PAPPA: variants seen among roughly 807,000 people sequenced by gnomAD.
PAPPA encodes pappalysin 1.
A neutral mutation model predicts 164.0 loss-of-function variants in PAPPA; 60 were observed. The observed-to-expected ratio is 0.37, with a 90% CI of 0.30 to 0.45. The LOEUF (loss-of-function observed/expected upper bound fraction) is 0.45, where lower values mean the gene tolerates loss of function less well. Among genes scored for constraint, PAPPA ranks in the 20% least tolerant of loss-of-function variants. PAPPA has a pLI of 1.00. For missense variants in PAPPA, 1,782 were observed against 2,087.3 expected (o/e 0.85, Z 2.85); for synonymous variants, 875 against 814.1 (o/e 1.07, Z -1.27).
chr9:116,339,847 G>C lies in PAPPA; in HGVS notation c.3612-4696G>C, dbSNP rs16933444. ...TCTCCAGCTATCCTCTGTTATGTGT[G>C]ACTGGAATCCATTCTTATTGACAAT... On this transcript the variant is annotated intron_variant, in intron 13 of 21. Coordinates refer to ENST00000328252, the MANE Select transcript of PAPPA (RefSeq NM_002581.5). Among the ~76,000 whole-genome samples the C allele has an allele frequency of 7.4e-3, 1,130 of 152,274 alleles. 12 individuals are homozygous for C. Among genetic ancestry groups the C allele is most frequent in the African/African-American group, 0.026 (1,078 of 41,548 alleles).
intron 19 of PAPPA, chr9:116,373,663 G>A (rs1846606084): frequency 6.6e-6 from 1 of 152,024 alleles, no homozygotes; most frequent in Non-Finnish European, 1.5e-5. Flanking sequence ...TTGTCTCAAA[G>A]GGCCTCTCCA....
intron 10 of PAPPA, among the ~76,000 whole-genome samples, chr9:116,325,352 G>A (rs1192956724): frequency 6.6e-6 from 1 of 152,124 alleles, no homozygotes; most frequent in African/African-American, 2.4e-5. Context: ...ATGACTGTGG[G>A]TGTCCTTAAG....
chr9:116,330,668 T>C (rs953548421), intron 10 of PAPPA, among the ~76,000 whole-genome samples: 8 of 152,100 alleles, frequency 5.3e-5, no homozygotes, highest in African/African-American at 1.9e-4. Flanking sequence ...ATTTTCTTTG[T>C]TGATGGAAAA....
intron 7 of PAPPA, among the ~76,000 whole-genome samples, chr9:116,246,407 TG>T (rs1844797538): frequency 6.6e-6 from 1 of 152,236 alleles, no homozygotes; most frequent in South Asian, 2.1e-4. Flanking sequence ...CAAGGCATTG[TG>T]CTAAGTGCTT....
intron 13 of PAPPA, among the ~76,000 whole-genome samples, chr9:116,336,743 C>T (rs1191606159): frequency 6.6e-6 from 1 of 152,172 alleles, no homozygotes; most frequent in Non-Finnish European, 1.5e-5. Context: ...TGCCCTATAT[C>T]TGACTAATTA....
chr9:116,241,998 A>T (rs547808028), intron 7 of PAPPA, among the ~76,000 whole-genome samples: 85 of 152,264 alleles, frequency 5.6e-4, no homozygotes, highest in African/African-American at 2.0e-3. Flanking sequence ...AATCTAATAT[A>T]ATCCATGTTA....
chr9:116,289,378 T>TGCC lies in PAPPA; in HGVS notation c.2954-13379_2954-13378insGCC, dbSNP rs1564212465. ...ATATGGCATATATATGGCATATATA[T>TGCC]AGCATATGTATATATAGCTATATAT... On this transcript the variant is annotated intron_variant, in intron 9 of 21. Coordinates refer to ENST00000328252, the MANE Select transcript of PAPPA (RefSeq NM_002581.5). Among the ~76,000 whole-genome samples the TGCC allele has an allele frequency of 7.7e-3, 1,105 of 144,146 alleles. 42 individuals are homozygous for TGCC. The highest frequency in any genetic ancestry group is 0.012 in the South Asian group (55 of 4,570). 94.6% of individuals were successfully genotyped at this position (144,146 alleles called of 152,430 possible).
Position 116,188,106 on chromosome 9 carries a change from G to A in PAPPA, c.1368G>A (p.Val456=). 1 of 1,614,230 alleles carries A rather than the reference G, an allele frequency of 6.2e-7. No individual in the cohort carries two copies. Among genetic ancestry groups the A allele is most frequent in the South Asian group, 1.1e-5 (1 of 91,090 alleles). ...PAFVKKQHNG[V]CDMDCNYERF... is the part of the protein sequence containing the mutation. ...TCGTGAAGAAGCAGCACAACGGGGTGTGTGACATGGACTGCAACTATGAAC... is the reference window on the plus strand; with the variant it reads ...TCGTGAAGAAGCAGCACAACGGGGTATGTGACATGGACTGCAACTATGAAC... The change falls in exon 2 of 22, where the codon GTG becomes GTA. Residue 456 remains valine, a synonymous_variant. Transcript: ENST00000328252.
rs373566923 is a variant in PAPPA, at chr9:116,248,526, A to G, written c.2732+12889A>G. On this transcript the variant is annotated intron_variant, in intron 7 of 21. Coordinates refer to ENST00000328252, the MANE Select transcript of PAPPA (RefSeq NM_002581.5). ...TGAACTTTGAGTTTGGGGGCTGGCC[A>G]TCTAGATCTAAAGAAAGCCTCCAGG... is the stretch of plus-strand genomic sequence containing the variant. Among the ~76,000 whole-genome samples, 15 of 152,314 alleles carry G rather than the reference A, an allele frequency of 9.8e-5. No individual in the cohort carries two copies. In the East Asian group the frequency reaches 2.7e-3, roughly 27 times the overall value.
chr9:116,154,617 A>G lies in PAPPA; in HGVS notation c.415+30A>G. On this transcript the variant is annotated intron_variant, in intron 1 of 21. Coordinates refer to ENST00000328252, the MANE Select transcript of PAPPA (RefSeq NM_002581.5). The surrounding 1 kb of genome is among the most constrained non-coding windows in gnomAD (Gnocchi z 5.2). ...GTGAGGGCGCCTCGGCGGGCGCTGC[A>G]CCGTCCCTGCGGCCCCAGAGGCTCG... 1 of 1,299,588 alleles carries G rather than the reference A, an allele frequency of 7.7e-7. No individual in the cohort carries two copies. Among genetic ancestry groups the G allele is most frequent in the Non-Finnish European group, 9.8e-7 (1 of 1,023,578 alleles). The allele number at this position is 1,299,588 out of a possible 1,614,324, so 80.5% of individuals were successfully genotyped here.
chr9:116,322,482 A>G (rs1375770416), intron 10 of PAPPA, among the ~76,000 whole-genome samples: 2 of 151,960 alleles, frequency 1.3e-5, no homozygotes, highest in African/African-American at 4.8e-5. Context: ...AGGAGGGAGA[A>G]CATCATCTGA....
At chr9:116,239,098 C>G (rs1255851988) in intron 7 of PAPPA, among the ~76,000 whole-genome samples, 3 of 151,950 alleles carry the variant, frequency 2.0e-5, no homozygotes, top group Non-Finnish European at 4.4e-5. Flanking sequence ...TTTTTTTTCT[C>G]TCAACAAAAA....
At chr9:116,309,435 C>T (rs1468857732) in intron 10 of PAPPA, among the ~76,000 whole-genome samples, 1 of 152,182 alleles carries the variant, frequency 6.6e-6, no homozygotes, top group Non-Finnish European at 1.5e-5. Flanking sequence ...AGCCATTCAT[C>T]TGTGTCTTCT....
At chr9:116,376,384 C>A (rs576890617) in intron 19 of PAPPA, among the ~76,000 whole-genome samples, 36 of 152,250 alleles carry the variant, frequency 2.4e-4, no homozygotes, top group African/African-American at 8.4e-4. Context: ...TCTTATTTAG[C>A]TTTCTTATTT....
At position 116,199,907 on chromosome 9, in the gene PAPPA, A is replaced by G. The variant is rs116995223; in HGVS notation, c.1479-7549A>G. Among the ~76,000 whole-genome samples the G allele has an allele frequency of 3.8e-3, 572 of 152,168 alleles. 3 individuals carry two copies. Among genetic ancestry groups the G allele is most frequent in the Admixed American group, 6.4e-3 (98 of 15,276 alleles). ...GCAAGAGAGAGAGTGGGGAGACGAT[A>G]GAGTCTTTTTAACCACCGACTCTCA... is the stretch of plus-strand genomic sequence containing the variant. On this transcript the variant is annotated intron_variant, in intron 2 of 21. Coordinates refer to ENST00000328252, the MANE Select transcript of PAPPA (RefSeq NM_002581.5).
rs145315165 is a variant in PAPPA at position 116,338,167 on chromosome 9, G to T, written c.3611+3093G>T. 2.4e-3 allele frequency among the ~76,000 whole-genome samples: 360 copies of T among 152,162 alleles called. 5 individuals carry two copies. In the East Asian group the frequency reaches 0.04, roughly 17 times the overall value. On this transcript the variant is annotated intron_variant, in intron 13 of 21. Transcript: ENST00000328252. ...TTTATTATAAAATTGAATGGACCAT[G>T]TATTTAGAAAAGTAACTTCCTTCCC...
At chr9:116,253,170 A>G (rs1844879698) in intron 7 of PAPPA, among the ~76,000 whole-genome samples, 3 of 144,930 alleles carry the variant, frequency 2.1e-5, no homozygotes, top group Admixed American at 2.0e-4. Context: ...CCAGCTATCA[A>G]AAAAAAAAGC....
At position 116,235,226 on chromosome 9, in the gene PAPPA, C is replaced by T. The variant is rs1248728363; in HGVS notation, c.2321C>T (p.Ala774Val). ...GTCAACCCACACACGGTTCCTCCAG[C>T]CTGCCCTGAGCCTCAAGGCTGCTAC... is the stretch of plus-strand genomic sequence containing the variant. ...SAVNPHTVPP[A>V]CPEPQGCYLE... The change falls in exon 7 of 22, where the codon GCC (alanine) becomes GTC (valine). Residue 774 changes from alanine to valine, a missense_variant. Physicochemically the swap from Ala to Val is moderately conservative, Grantham distance 64. Transcript: ENST00000328252. The T allele has an allele frequency of 2.0e-5, 33 of 1,614,058 alleles. No individual in the cohort carries two copies. The highest frequency in any genetic ancestry group is 2.3e-5 in the Non-Finnish European group (27 of 1,180,032).
chr9:116,231,867 C>T (rs1376462963), intron 6 of PAPPA, among the ~76,000 whole-genome samples: 1 of 144,922 alleles, frequency 6.9e-6, no homozygotes, highest in Non-Finnish European at 1.5e-5. Context: ...GTTCAAGTAA[C>T]TCTCCTGCCT....
Sources: allele counts gnomAD v4.1 joint callset (sites outside exome capture counted in the v4.1 genomes callset), GRCh38; gene constraint gnomAD v4.1.1; non-coding constraint Gnocchi (gnomAD v3.1); transcripts MANE v1.5; gene names NCBI Gene and HGNC (gene_info 2026-07-23, HGNC 2026-07-21).